The following COL28A1 variants were observed in gnomAD, a reference collection of about 807,000 sequenced individuals.
COL28A1 encodes collagen alpha-1(XXVIII) chain.
Under a neutral mutation model 150.2 loss-of-function variants are expected in COL28A1, and 161 were observed. The observed-to-expected ratio is 1.07, with a 90% CI of 0.94 to 1.22. The LOEUF is 1.22. COL28A1 is among the 50% of genes most tolerant of loss of function. COL28A1 has a pLI of 0.00. For synonymous variants in COL28A1, 552 were observed against 469.7 expected, an observed-to-expected ratio of 1.18 and a Z score of -2.26; for missense variants, 1,617 against 1,388.3, an observed-to-expected ratio of 1.16 and a Z score of -2.62.
chr7:7,384,947 C>T (rs1782094088), intron 27 of COL28A1, among the ~76,000 whole-genome samples: 1 of 152,072 alleles, frequency 6.6e-6, no homozygotes, highest in African/African-American at 2.4e-5. Flanking sequence ...AGAACAGCCT[C>T]ATGAGGCTCC....
intron 15 of COL28A1, among the ~76,000 whole-genome samples, chr7:7,465,326 G>A (rs923029407): frequency 2.8e-5 from 4 of 144,032 alleles, no homozygotes; most frequent in Non-Finnish European, 6.1e-5. Context: ...CCCTTTCCGA[G>A]TCAAAGAAAG....
At chr7:7,516,187 T>C (rs906039451) in intron 7 of COL28A1, among the ~76,000 whole-genome samples, 5 of 152,236 alleles carry the variant, frequency 3.3e-5, no homozygotes, top group African/African-American at 1.2e-4. Context: ...AACTGTTATA[T>C]TGACTTTTAA....
chr7:7,348,344 C>A, the COL28A1 span, among the ~76,000 whole-genome samples: 10 of 151,938 alleles, frequency 6.6e-5, no homozygotes, highest in Non-Finnish European at 1.3e-4. Context: ...TTAGGAGATG[C>A]TAATATGATA....
the COL28A1 span, among the ~76,000 whole-genome samples, chr7:7,543,041 T>C: frequency 6.6e-6 from 1 of 152,210 alleles, no homozygotes; most frequent in Non-Finnish European, 1.5e-5. Flanking sequence ...CGTAAGTTTA[T>C]CAGAAATGTT....
intron 27 of COL28A1, among the ~76,000 whole-genome samples, chr7:7,402,211 C>T (rs957395919): frequency 1.3e-5 from 2 of 152,204 alleles, no homozygotes; most frequent in African/African-American, 4.8e-5. Flanking sequence ...AGTTCCAGCT[C>T]ACAATTTCAT....
Position 7,532,859 on chromosome 7 carries a change from A to G in COL28A1, c.17T>C (p.Phe6Ser), listed in dbSNP as rs1473027581. 1 of 1,610,710 alleles carries G rather than the reference A, an allele frequency of 6.2e-7. No individual in the cohort carries two copies. Among genetic ancestry groups the G allele is most frequent in the African/African-American group, 1.3e-5 (1 of 74,732 alleles). The change falls in exon 2 of 35, where the codon TTT (phenylalanine) becomes TCT (serine). Residue 6 changes from phenylalanine to serine, a missense_variant. By Grantham distance (155) the Phe-to-Ser change is radical. Transcript: ENST00000399429. MWNRY[F>S]VFYLLLLSAF... Reference sequence around the variant, plus strand: ...TGACAAAAGCAGGAGATAGAAGACAAAATATCTGTTCCACATTATGGTAGA... The same window carrying G: ...TGACAAAAGCAGGAGATAGAAGACAGAATATCTGTTCCACATTATGGTAGA...
chr7:7,374,194 C>G (rs1781424647), intron 31 of COL28A1, among the ~76,000 whole-genome samples: 1 of 151,924 alleles, frequency 6.6e-6, no homozygotes, highest in African/African-American at 2.4e-5. Flanking sequence ...CTTCCTCTCC[C>G]AGAGAGGTAA....
the COL28A1 span, among the ~76,000 whole-genome samples, chr7:7,351,070 A>G: frequency 6.6e-6 from 1 of 152,112 alleles, no homozygotes; most frequent in Non-Finnish European, 1.5e-5. Flanking sequence ...GCCAAACTAG[A>G]GGGATATTTT....
chr7:7,420,193 T>C (rs1157359712), intron 25 of COL28A1: 1 of 299,928 alleles, frequency 3.3e-6, no homozygotes, highest in Non-Finnish European at 6.1e-6. Context: ...CAGAACCCTC[T>C]TCTCTAGAAT....
rs1033456797 is a variant in COL28A1, at chr7:7,373,662, CTG to C, written c.2360-118_2360-117del. The C allele has an allele frequency of 1.3e-6, 1 of 799,160 alleles. No individual in the cohort carries two copies. Among genetic ancestry groups the C allele is most frequent in the African/African-American group, 1.7e-5 (1 of 57,276 alleles). 49.5% of individuals were successfully genotyped at this position (799,160 alleles called of 1,614,324 possible). ...AGACCTAAACTATTCTCTTCCTTTTCTGTGATTGTGAAAATACCTGACAGCTG... is the reference window on the plus strand; with the variant it reads ...AGACCTAAACTATTCTCTTCCTTTTCTGATTGTGAAAATACCTGACAGCTG... On this transcript the variant is annotated intron_variant, in intron 31 of 34. Transcript: ENST00000399429. This position sits in a 1 kb window ranked among gnomAD's most constrained non-coding sequence, Gnocchi z 4.1.
rs150552539 is a variant in COL28A1 at position 7,425,676 on chromosome 7, T to C, written c.1999-5723A>G. Among the ~76,000 whole-genome samples, 542 of 152,340 alleles carry C rather than the reference T, an allele frequency of 3.6e-3. 5 individuals carry two copies. Among genetic ancestry groups the C allele is most frequent in the South Asian group, 0.012 (59 of 4,824 alleles). On this transcript the variant is annotated intron_variant, in intron 25 of 34. Coordinates refer to ENST00000399429, the MANE Select transcript of COL28A1 (RefSeq NM_001037763.3). Reference sequence around the variant, plus strand: ...TGCATAAAATGGCTACTACCACTAATTATATTTGAATTTGTTAGGATTCAT... The same window carrying C: ...TGCATAAAATGGCTACTACCACTAACTATATTTGAATTTGTTAGGATTCAT...
intron 11 of COL28A1, among the ~76,000 whole-genome samples, chr7:7,505,636 A>C (rs2115115751): frequency 6.6e-6 from 1 of 152,234 alleles, no homozygotes; most frequent in South Asian, 2.1e-4. Flanking sequence ...TTCCCCTATA[A>C]AGTGTATATT....
the COL28A1 span, among the ~76,000 whole-genome samples, chr7:7,344,743 C>A: frequency 2.0e-5 from 3 of 152,106 alleles, no homozygotes; most frequent in South Asian, 6.2e-4. Context: ...ACAAGACATT[C>A]CCCCCAGCAA....
intron 5 of COL28A1, among the ~76,000 whole-genome samples, chr7:7,521,636 A>G (rs1781730504): frequency 6.6e-6 from 1 of 152,222 alleles, no homozygotes. Context: ...GGCTTCAATT[A>G]TTTTATGAGG....
At chr7:7,527,282 C>T (rs1782077518) in intron 3 of COL28A1, among the ~76,000 whole-genome samples, 1 of 152,186 alleles carries the variant, frequency 6.6e-6, no homozygotes, top group Non-Finnish European at 1.5e-5. Context: ...ACACAGCAAC[C>T]CGAGTAGGAA....
chr7:7,372,261 T>C (rs1781268353), intron 32 of COL28A1, among the ~76,000 whole-genome samples: 1 of 151,248 alleles, frequency 6.6e-6, no homozygotes, highest in Non-Finnish European at 1.5e-5. Context: ...TAGCCGGGCA[T>C]GGTGGCGCGT....
intron 27 of COL28A1, among the ~76,000 whole-genome samples, chr7:7,387,229 T>C (rs543119334): frequency 1.3e-5 from 2 of 152,194 alleles, no homozygotes; most frequent in Non-Finnish European, 2.9e-5. Context: ...AGAGATGCCC[T>C]ACTATTTGTG....
chr7:7,375,327 C>T (rs369065692), intron 31 of COL28A1, 134 bp downstream of exon 31: 11 of 763,968 alleles, frequency 1.4e-5, no homozygotes, highest in African/African-American at 1.1e-4. Flanking sequence ...CAGTTTCCAT[C>T]GACTTTTCAA....
chr7:7,509,683 C>T (rs1169034491), intron 9 of COL28A1, among the ~76,000 whole-genome samples: 1 of 151,892 alleles, frequency 6.6e-6, no homozygotes, highest in Non-Finnish European at 1.5e-5. Flanking sequence ...AATAATGGGA[C>T]ATTTAATAAT....
Sources: allele counts gnomAD v4.1 joint callset (sites outside exome capture counted in the v4.1 genomes callset), GRCh38; gene constraint gnomAD v4.1.1; non-coding constraint Gnocchi (gnomAD v3.1); transcripts MANE v1.5; gene names NCBI Gene and HGNC (gene_info 2026-07-23, HGNC 2026-07-21).